SASH1: variants seen among roughly 807,000 people sequenced by gnomAD.
The protein encoded by SASH1 is SAM and SH3 domain-containing protein 1.
Under a neutral mutation model 125.2 loss-of-function variants are expected in SASH1, and 44 were observed. The observed-to-expected ratio is 0.35, with a 90% CI of 0.28 to 0.45. The LOEUF (loss-of-function observed/expected upper bound fraction) is 0.45. SASH1 is among the 20% of genes least tolerant of loss of function. The pLI is 1.00. For missense variants in SASH1, 1,426 were observed against 1,614.5 expected (o/e 0.88, Z 2.00); for synonymous variants, 639 against 649.1 (o/e 0.98, Z 0.24).
At chr6:148,266,860 C>G in the SASH1 span, among the ~76,000 whole-genome samples, 1 of 152,200 alleles carries the variant, frequency 6.6e-6, no homozygotes, top group Admixed American at 6.5e-5. Flanking sequence ...GATCCTCCCA[C>G]CTCAGCCTCC....
intron 4 of SASH1, among the ~76,000 whole-genome samples, chr6:148,460,901 G>A (rs1777583496): frequency 6.6e-6 from 1 of 152,156 alleles, no homozygotes; most frequent in African/African-American, 2.4e-5. Flanking sequence ...TTACAAGGAG[G>A]AACCTTAGTG....
At chr6:148,195,799 C>A in the SASH1 span, among the ~76,000 whole-genome samples, 1 of 152,190 alleles carries the variant, frequency 6.6e-6, no homozygotes, top group Non-Finnish European at 1.5e-5. Flanking sequence ...CAGCCCAGGG[C>A]AGGAGGGACT....
chr6:148,253,862 C>G, the SASH1 span, among the ~76,000 whole-genome samples: 1 of 151,524 alleles, frequency 6.6e-6, no homozygotes, highest in Non-Finnish European at 1.5e-5. Flanking sequence ...CAGAGCGAGA[C>G]TCTGTCTCAA....
intron 7 of SASH1, among the ~76,000 whole-genome samples, chr6:148,486,196 C>T (rs184233040): frequency 6.6e-6 from 1 of 152,192 alleles, no homozygotes; most frequent in East Asian, 1.9e-4. Context: ...TCTCGGCTCA[C>T]CGCAACCTCT....
At chr6:148,307,803 C>T (rs1164002912) in intron 1 of SASH1, among the ~76,000 whole-genome samples, 1 of 152,094 alleles carries the variant, frequency 6.6e-6, no homozygotes, top group Non-Finnish European at 1.5e-5. Flanking sequence ...TAGAATTTTG[C>T]TTAATTGGTC....
At chr6:148,537,733 C>T (rs1781934814) in intron 16 of SASH1, among the ~76,000 whole-genome samples, 1 of 151,148 alleles carries the variant, frequency 6.6e-6, no homozygotes, top group South Asian at 2.1e-4. Context: ...TTGGGTACCA[C>T]TACCTTTTGA....
At chr6:148,471,317 C>A in intron 5 of SASH1, 100 bp from the exon 6 acceptor site, 2 of 726,960 alleles carry the variant, frequency 2.8e-6, no homozygotes, top group African/African-American at 1.8e-5. Context: ...GTATTCCTAC[C>A]AGCTTTGAAT....
At chr6:148,451,271 C>A (rs1777088841) in intron 4 of SASH1, among the ~76,000 whole-genome samples, 1 of 152,232 alleles carries the variant, frequency 6.6e-6, no homozygotes. Context: ...TTCAGAGAAG[C>A]TACCTTGGGC....
chr6:148,267,281 G>A, the SASH1 span, among the ~76,000 whole-genome samples: 2 of 151,902 alleles, frequency 1.3e-5, no homozygotes, highest in Non-Finnish European at 2.9e-5. Flanking sequence ...AGAAGCACCC[G>A]GAAGCTTCAA....
chr6:148,415,560 C>G (rs1318464293), intron 2 of SASH1, among the ~76,000 whole-genome samples: 1 of 152,206 alleles, frequency 6.6e-6, no homozygotes, highest in African/African-American at 2.4e-5. Context: ...TCAGGTTTGA[C>G]TAAGTAACTT....
At chr6:148,291,742 A>C (rs1217642837) in intron 1 of SASH1, among the ~76,000 whole-genome samples, 1 of 152,198 alleles carries the variant, frequency 6.6e-6, no homozygotes, top group Non-Finnish European at 1.5e-5. Context: ...TTTTAAAAAA[A>C]GAAATGCTGT....
intron 1 of SASH1, among the ~76,000 whole-genome samples, 191 bp downstream of exon 1, chr6:148,343,414 C>G (rs1781410097): frequency 6.6e-6 from 1 of 152,180 alleles, no homozygotes; most frequent in African/African-American, 2.4e-5. Context: ...TAACCAGCCA[C>G]AGGTCCCGTC....
At chr6:148,459,958 C>T (rs1389399263) in intron 4 of SASH1, among the ~76,000 whole-genome samples, 2 of 152,130 alleles carry the variant, frequency 1.3e-5, no homozygotes, top group African/African-American at 4.8e-5. Context: ...CTGAGCCATT[C>T]ATTGTGTGGT....
chr6:148,471,569 C>A, intron 6 of SASH1, 66 bp downstream of exon 6: 2 of 950,564 alleles, frequency 2.1e-6, no homozygotes, highest in Non-Finnish European at 3.4e-6. Context: ...TCCTATGCGG[C>A]TAATCTCAGT....
intron 4 of SASH1, among the ~76,000 whole-genome samples, chr6:148,446,103 T>TTCTTTTTTTTC (rs1776762566): frequency 4.8e-5 from 1 of 20,688 alleles, no homozygotes; most frequent in Non-Finnish European, 9.8e-5. Context: ...TTTTTTTTTT[T>TTCTTTTTTTTC]TTTTTTTTTT....
intron 4 of SASH1, among the ~76,000 whole-genome samples, chr6:148,463,693 A>G (rs1489394694): frequency 6.7e-6 from 1 of 149,506 alleles, no homozygotes; most frequent in Non-Finnish European, 1.5e-5. Context: ...CTCTAGACTC[A>G]CATGTCCAAC....
chr6:148,207,281 G>T, the SASH1 span, among the ~76,000 whole-genome samples: 2 of 152,230 alleles, frequency 1.3e-5, no homozygotes, highest in African/African-American at 4.8e-5. Context: ...TAATGTGCCA[G>T]TGTGACTTAG....
intron 4 of SASH1, among the ~76,000 whole-genome samples, chr6:148,458,426 T>C (rs1777458323): frequency 6.6e-6 from 1 of 152,196 alleles, no homozygotes; most frequent in Non-Finnish European, 1.5e-5. Context: ...AACTCGGGAC[T>C]CTGTAAGTAA....
chr6:148,203,945 T>A, the SASH1 span, among the ~76,000 whole-genome samples: 1 of 152,164 alleles, frequency 6.6e-6, no homozygotes, highest in Admixed American at 6.5e-5. Context: ...GGAACATGCA[T>A]GTGTTTTACC....
Sources: gnomAD v4.1 joint callset for allele counts (sites outside exome capture counted in the v4.1 genomes callset) on GRCh38, gnomAD v4.1.1 for gene constraint, MANE v1.5 for transcripts, NCBI Gene and HGNC (gene_info 2026-07-23, HGNC 2026-07-21) for gene names.